GRK5: variants seen among roughly 807,000 people sequenced by gnomAD.
GRK5 encodes g protein-coupled receptor kinase GRK5.
GRK5 carries 40 observed loss-of-function variants against 78.4 expected under a neutral mutation model. The ratio of observed to expected loss-of-function variants is 0.51; its 90% CI spans 0.40 to 0.66. The LOEUF (loss-of-function observed/expected upper bound fraction) is 0.66. GRK5 is among the 30% of genes least tolerant of loss of function. GRK5 has a pLI of 0.00. For synonymous variants in GRK5, 289 were observed against 296.8 expected (o/e 0.97, Z 0.27); for missense variants, 598 against 759.9 (o/e 0.79, Z 2.50).
chr10:119,453,358 G>A, intron 15 of GRK5, 82 bp downstream of exon 15: 1 of 1,521,704 alleles, frequency 6.6e-7, no homozygotes, highest in Non-Finnish European at 9.0e-7. Flanking sequence ...AAGACCCACA[G>A]TAGAGACCCT....
At chr10:119,245,661 T>C (rs1849095287) in intron 1 of GRK5, among the ~76,000 whole-genome samples, 1 of 152,024 alleles carries the variant, frequency 6.6e-6, no homozygotes, top group South Asian at 2.1e-4. Context: ...ATATACAAGA[T>C]GAGAAAGTTT....
intron 2 of GRK5, among the ~76,000 whole-genome samples, chr10:119,341,529 C>T (rs1052539385): frequency 7.2e-5 from 11 of 152,164 alleles, no homozygotes; most frequent in African/African-American, 2.7e-4. Context: ...CATAGGTCAC[C>T]TCCTCCAGGA....
At position 119,445,922 on chromosome 10, in the gene GRK5, C is replaced by G. The variant is rs1471207643; in HGVS notation, c.1266+2170C>G. On this transcript the variant is annotated intron_variant, in intron 12 of 15. Coordinates refer to ENST00000392870, the MANE Select transcript of GRK5 (RefSeq NM_005308.3). This position sits in a 1 kb window ranked among gnomAD's most constrained non-coding sequence, Gnocchi z 4.1. ...TTAGCAGCCGCAGAACCCACTCCCC[C>G]TCCTCTGGAGCCCAGAAATTCACAC... Among the ~76,000 whole-genome samples, 2 of 152,122 alleles carry G rather than the reference C, an allele frequency of 1.3e-5. 1 individual carries two copies. The highest frequency in any genetic ancestry group is 4.1e-4 in the South Asian group (2 of 4,830).
At chr10:119,390,058 C>T (rs191314438) in intron 3 of GRK5, among the ~76,000 whole-genome samples, 12 of 152,248 alleles carry the variant, frequency 7.9e-5, no homozygotes, top group Admixed American at 7.8e-4. Context: ...TCCTGGTAGC[C>T]TTTAGATCCT....
intron 1 of GRK5, among the ~76,000 whole-genome samples, chr10:119,261,093 T>TCCC (rs1849383600): frequency 3.0e-5 from 3 of 100,494 alleles, no homozygotes; most frequent in Admixed American, 2.0e-4. Flanking sequence ...CGCTCCTCAC[T>TCCC]TCCCAGACTG....
intron 4 of GRK5, among the ~76,000 whole-genome samples, chr10:119,413,191 C>T (rs1484274370): frequency 6.6e-6 from 1 of 151,956 alleles, no homozygotes; most frequent in Non-Finnish European, 1.5e-5. Context: ...CACTTCTCCC[C>T]CACCCAGCAA....
chr10:119,261,011 CGGGGCGGCTGGCCGGGCAGGGGGCTGA>C (rs1849377772), intron 1 of GRK5, among the ~76,000 whole-genome samples: 1 of 143,326 alleles, frequency 7.0e-6, no homozygotes, highest in African/African-American at 2.6e-5. Context: ...ACCTCCCGGA[CGGGGCGGCTGGCCGGGCAGGGGGCTGA>C]CCCCCCCACC....
intron 1 of GRK5, among the ~76,000 whole-genome samples, chr10:119,320,063 A>G (rs1037359588): frequency 1.3e-5 from 2 of 152,194 alleles, no homozygotes; most frequent in Non-Finnish European, 2.9e-5. Flanking sequence ...GCAGCATGAG[A>G]AGGGACACTA....
In GRK5 at chr10:119,455,160, C is replaced by A; in HGVS notation, c.*93C>A. 1 of 1,009,782 alleles carries A rather than the reference C, an allele frequency of 9.9e-7. No homozygotes were observed. Among genetic ancestry groups the A allele is most frequent in the Non-Finnish European group, 1.6e-6 (1 of 639,688 alleles). 62.6% of individuals were successfully genotyped at this position (1,009,782 alleles called of 1,614,324 possible). On this transcript the variant is annotated 3_prime_UTR_variant, in exon 16 of 16. Transcript: ENST00000392870. ...TGGAGCCCCTGCTCTGGTGGGGCTGCCAGGGGAGACCCCGGGAGCCGGGGA... is the reference window on the plus strand; with the variant it reads ...TGGAGCCCCTGCTCTGGTGGGGCTGACAGGGGAGACCCCGGGAGCCGGGGA...
chr10:119,429,343 C>T lies in GRK5; in HGVS notation c.534-1032C>T. On this transcript the variant is annotated intron_variant, in intron 6 of 15. Transcript: ENST00000392870. ...CTGAAGGCTCCCTGGTCATCCTCAG[C>T]TGACCCAGTTCTTTGGCCCAGTTCT... Among the ~76,000 whole-genome samples the T allele has an allele frequency of 2.3e-5, 3 of 130,164 alleles. No homozygotes were observed. The East Asian group carries it at 6.8e-4, about 30-fold the overall frequency. The allele number at this position is 130,164 out of a possible 152,430, so 85.4% of individuals were successfully genotyped here.
At position 119,430,515 on chromosome 10, in the gene GRK5, A is replaced by C; in HGVS notation, c.597+77A>C. ...TTCCTGTCCCTTCTAAATCAACCTAAAGGGTTGGCCCACGGGTCCCCCGGG... is the reference window on the plus strand; with the variant it reads ...TTCCTGTCCCTTCTAAATCAACCTACAGGGTTGGCCCACGGGTCCCCCGGG... On this transcript the variant is annotated intron_variant, in intron 7 of 15. Transcript: ENST00000392870. This position sits in a 1 kb window ranked among gnomAD's most constrained non-coding sequence, Gnocchi z 4.5. 135 of 1,339,730 alleles carry C rather than the reference A, an allele frequency of 1.0e-4. No individual in the cohort carries two copies. Among genetic ancestry groups the C allele is most frequent in the Non-Finnish European group, 1.3e-4 (122 of 947,990 alleles). 83.0% of individuals were successfully genotyped at this position (1,339,730 alleles called of 1,614,324 possible). A position where few individuals can be genotyped will look rare whatever the true frequency, so the allele number is the denominator to read the frequency against.
At position 119,446,597 on chromosome 10, in the gene GRK5, G is replaced by T. The variant is rs112903741; in HGVS notation, c.1267-1526G>T. Among the ~76,000 whole-genome samples the T allele has an allele frequency of 3.4e-3, 520 of 152,308 alleles. 1 individual carries two copies. The highest frequency in any genetic ancestry group is 5.8e-3 in the Non-Finnish European group (392 of 68,024). On this transcript the variant is annotated intron_variant, in intron 12 of 15. Coordinates refer to ENST00000392870, the MANE Select transcript of GRK5 (RefSeq NM_005308.3). ...GCACCTGGGCCCAGCCCAACCCAGTGCCTTGAGCCTTTGTTGAACAGTGAA... is the reference window on the plus strand; with the variant it reads ...GCACCTGGGCCCAGCCCAACCCAGTTCCTTGAGCCTTTGTTGAACAGTGAA...
At chr10:119,444,271 C>G (rs1038726842) in intron 12 of GRK5, among the ~76,000 whole-genome samples, 1 of 152,134 alleles carries the variant, frequency 6.6e-6, no homozygotes, top group African/African-American at 2.4e-5. Flanking sequence ...GCCAGCCTGG[C>G]TCCTGCATGA....
intron 1 of GRK5, among the ~76,000 whole-genome samples, chr10:119,296,827 A>T (rs1364880128): frequency 6.6e-6 from 1 of 152,256 alleles, no homozygotes; most frequent in Non-Finnish European, 1.5e-5. Flanking sequence ...ACTCGTCCAC[A>T]AGCAGCACGT....
intron 1 of GRK5, among the ~76,000 whole-genome samples, chr10:119,309,180 AT>A (rs898147463): frequency 1.3e-5 from 2 of 152,190 alleles, no homozygotes; most frequent in Admixed American, 1.3e-4. Context: ...GCCTTCCCTG[AT>A]TCCACAGGCA....
At position 119,271,693 on chromosome 10, in the gene GRK5, G is replaced by A. The variant is rs1457364990; in HGVS notation, c.53-54823G>A. 6.6e-6 allele frequency among the ~76,000 whole-genome samples: 1 copy of A among 152,182 alleles called. No homozygotes were observed. On this transcript the variant is annotated intron_variant, in intron 1 of 15. Transcript: ENST00000392870. The surrounding 1 kb of genome is among the most constrained non-coding windows in gnomAD (Gnocchi z 4.1). ...GAACGTGGGGCCTTTGACTCGTCAGGGAAAAACAGGTGTGTGAGCACTAGG... is the reference window on the plus strand; with the variant it reads ...GAACGTGGGGCCTTTGACTCGTCAGAGAAAAACAGGTGTGTGAGCACTAGG...
chr10:119,234,299 G>A (rs1848882209), intron 1 of GRK5, among the ~76,000 whole-genome samples: 1 of 152,216 alleles, frequency 6.6e-6, no homozygotes, highest in Admixed American at 6.5e-5. Context: ...TTGAGTCTGT[G>A]CTTTTTTAAC....
intron 1 of GRK5, among the ~76,000 whole-genome samples, chr10:119,236,787 G>A (rs1714130469): frequency 6.6e-6 from 1 of 151,992 alleles, no homozygotes; most frequent in South Asian, 2.1e-4. Flanking sequence ...ACACGCCACT[G>A]CACCTGACTA....
At chr10:119,451,055 C>G (rs1473638617) in intron 13 of GRK5, among the ~76,000 whole-genome samples, 1 of 60,574 alleles carries the variant, frequency 1.7e-5, no homozygotes, top group Non-Finnish European at 3.2e-5. Context: ...GCCAGCCCCC[C>G]ACAGTCATCC....
Sources: allele counts gnomAD v4.1 joint callset (sites outside exome capture counted in the v4.1 genomes callset), GRCh38; gene constraint gnomAD v4.1.1; non-coding constraint Gnocchi (gnomAD v3.1); transcripts MANE v1.5; gene names NCBI Gene and HGNC (gene_info 2026-07-23, HGNC 2026-07-21).